The following ATP8A1 variants were observed in gnomAD, a reference collection of about 807,000 sequenced individuals.
ATP8A1 encodes the protein phospholipid-transporting ATPase IA.
Under a neutral mutation model 177.7 loss-of-function variants are expected in ATP8A1, and 90 were observed. The ratio of observed to expected loss-of-function variants is 0.51; its 90% confidence interval spans 0.43 to 0.60. The LOEUF (loss-of-function observed/expected upper bound fraction) is 0.60, where lower values mean the gene tolerates loss of function less well. Ranked by LOEUF, ATP8A1 falls within the 20% of genes least tolerant of loss-of-function variation. The pLI is 0.00. For synonymous variants in ATP8A1, 493 were observed against 485.9 expected, an observed-to-expected ratio of 1.01 and a Z score of -0.19; for missense variants, 1,072 against 1,392.8, an observed-to-expected ratio of 0.77 and a Z score of 3.67.
intron 18 of ATP8A1, 37 bp downstream of exon 18, chr4:42,551,161 C>T: frequency 6.6e-7 from 1 of 1,516,460 alleles, no homozygotes; most frequent in Middle Eastern, 1.7e-4. Context: ...AAATGTATTA[C>T]TTGGATTAAA....
rs1724583789 is a variant in ATP8A1 at position 42,507,796 on chromosome 4, A to AAAAAC, written c.1948-643_1948-642insGTTTT. ...CAGGCATTCTAAAAAAAAAAAAAAA[A>AAAAAC]AAAAAAAAAAAAACATACAAACAGC... On this transcript the variant is annotated intron_variant, in intron 22 of 36. Transcript: ENST00000381668. 2.1e-5 allele frequency among the ~76,000 whole-genome samples: 3 copies of AAAAAC among 142,824 alleles called. 1 individual carries two copies. The highest frequency in any genetic ancestry group is 5.1e-5 in the African/African-American group (2 of 39,402). The allele number at this position is 142,824 out of a possible 152,430, so 93.7% of individuals were successfully genotyped here.
intron 14 of ATP8A1, among the ~76,000 whole-genome samples, chr4:42,573,564 A>T (rs1435936384): frequency 6.6e-6 from 1 of 152,234 alleles, no homozygotes; most frequent in South Asian, 2.1e-4. Flanking sequence ...GGCTGTCTTT[A>T]CAGTGTGAAA....
At chr4:42,648,617 A>T (rs891813320) in intron 1 of ATP8A1, among the ~76,000 whole-genome samples, 4 of 152,170 alleles carry the variant, frequency 2.6e-5, no homozygotes, top group Admixed American at 2.6e-4. Flanking sequence ...TTGAAAAATT[A>T]TCTTGAAAAA....
At chr4:42,422,967 C>G in intron 34 of ATP8A1, 68 bp from the exon 35 acceptor site, 2 of 1,257,666 alleles carry the variant, frequency 1.6e-6, no homozygotes, top group South Asian at 2.6e-5. Context: ...AACTAGATGT[C>G]TGGCTTATTA....
chr4:42,494,049 A>T (rs1185346158), intron 24 of ATP8A1, among the ~76,000 whole-genome samples: 1 of 150,682 alleles, frequency 6.6e-6, no homozygotes, highest in African/African-American at 2.4e-5. Flanking sequence ...TAAAACAAAA[A>T]AATTAGCCGG....
intron 24 of ATP8A1, among the ~76,000 whole-genome samples, chr4:42,494,561 T>C (rs1418128790): frequency 6.6e-6 from 1 of 152,202 alleles, no homozygotes; most frequent in African/African-American, 2.4e-5. Flanking sequence ...CAACATTCAA[T>C]ACTATCAGCT....
At chr4:42,552,443 T>C in intron 17 of ATP8A1, 62 bp downstream of exon 17, 1 of 1,347,922 alleles carries the variant, frequency 7.4e-7, no homozygotes, top group Non-Finnish European at 1.0e-6. Context: ...TAAAATTAAA[T>C]TGACTTTTAC....
At chr4:42,517,828 A>G (rs1725716419) in intron 22 of ATP8A1, among the ~76,000 whole-genome samples, 1 of 152,242 alleles carries the variant, frequency 6.6e-6, no homozygotes, top group African/African-American at 2.4e-5. Flanking sequence ...ATTATATTTT[A>G]TAGATAGATT....
In ATP8A1 at chr4:42,578,350, G is replaced by A; in HGVS notation, c.1038C>T (p.Thr346=). The change falls in exon 12 of 37, where the codon ACC becomes ACT. Residue 346 remains threonine, a synonymous_variant. Coordinates refer to ENST00000381668, the MANE Select transcript of ATP8A1 (RefSeq NM_006095.2). The stretch of plus-strand genomic sequence containing the variant: ...TGAGATTGTTGAAAAGGATGATGAA[G>A]GTCAAGAAATTCAGTCCAAAATTAC... ...GASNFGLNFL[T]FIILFNNLIP... 6.2e-7 allele frequency: 1 copy of A among 1,612,598 alleles called. No individual in the cohort carries two copies. Among genetic ancestry groups the A allele is most frequent in the Non-Finnish European group, 8.5e-7 (1 of 1,179,184 alleles).
chr4:42,533,248 G>C (rs530892906), intron 20 of ATP8A1, among the ~76,000 whole-genome samples: 9 of 152,258 alleles, frequency 5.9e-5, no homozygotes, highest in Non-Finnish European at 1.3e-4. Context: ...TTGTAGCTGG[G>C]GGCAAGTTCT....
At chr4:42,482,335 A>AG (rs1553884266) in intron 25 of ATP8A1, among the ~76,000 whole-genome samples, 1 of 34,692 alleles carries the variant, frequency 2.9e-5, no homozygotes, top group Non-Finnish European at 8.0e-5. Flanking sequence ...ACAAACAAAC[A>AG]AAAAAAAAAA....
chr4:42,656,846 C>A lies in ATP8A1; in HGVS notation c.28G>T (p.Glu10Ter). The A allele has an allele frequency of 6.3e-7, 1 of 1,585,810 alleles. No homozygotes were observed. Among genetic ancestry groups the A allele is most frequent in the Non-Finnish European group, 8.6e-7 (1 of 1,166,366 alleles). Reference protein sequence around the residue: MPTMRRTVSEIRSRAEGYEK... With the variant: MPTMRRTVS The stretch of plus-strand genomic sequence containing the variant: ...TTACCTTCGGCGCGCGAGCGGATCT[C>A]CGACACGGTCCTCCGCATGGTGGGC... The change falls in exon 1 of 37, where the codon GAG becomes TAG. Residue 10 changes from glutamate to a stop codon, truncating the protein, a stop_gained. Coordinates refer to ENST00000381668, the MANE Select transcript of ATP8A1 (RefSeq NM_006095.2). LOFTEE classifies it high-confidence loss of function.
intron 27 of ATP8A1, among the ~76,000 whole-genome samples, chr4:42,460,999 C>G (rs1399997861): frequency 1.3e-5 from 2 of 152,212 alleles, no homozygotes; most frequent in African/African-American, 4.8e-5. Context: ...ATTCAGTTCA[C>G]TTATTTATCT....
At chr4:42,605,612 T>C (rs1351581092) in intron 5 of ATP8A1, among the ~76,000 whole-genome samples, 9 of 152,198 alleles carry the variant, frequency 5.9e-5, no homozygotes, top group African/African-American at 2.2e-4. Flanking sequence ...CCGTCCTCCT[T>C]CAAATCTGCT....
At chr4:42,416,455 A>ATAT (rs1216567155) in intron 35 of ATP8A1, among the ~76,000 whole-genome samples, 6 of 152,216 alleles carry the variant, frequency 3.9e-5, no homozygotes, top group Admixed American at 2.6e-4. Flanking sequence ...TTAGTCTTTC[A>ATAT]TATTACAGCA....
intron 25 of ATP8A1, among the ~76,000 whole-genome samples, chr4:42,469,627 G>A (rs2153184634): frequency 6.6e-6 from 1 of 152,250 alleles, no homozygotes; most frequent in Admixed American, 6.5e-5. Flanking sequence ...GGCTTTAAGA[G>A]GCCTCCCTTG....
At chr4:42,609,517 C>A (rs1736161147) in intron 5 of ATP8A1, among the ~76,000 whole-genome samples, 1 of 152,158 alleles carries the variant, frequency 6.6e-6, no homozygotes, top group Non-Finnish European at 1.5e-5. Flanking sequence ...TCAGTCATTC[C>A]ACAACTCCTT....
chr4:42,444,166 C>G lies in ATP8A1; in HGVS notation c.3015+412G>C, dbSNP rs139693932. ...CTAACGTATCTAAAATGGAACAAGA[C>G]TGGGTATTTGTCAATGTCTGAGGAC... is the stretch of plus-strand genomic sequence containing the variant. On this transcript the variant is annotated intron_variant, in intron 32 of 36. Coordinates refer to ENST00000381668, the MANE Select transcript of ATP8A1 (RefSeq NM_006095.2). Among the ~76,000 whole-genome samples, 194 of 152,278 alleles carry G rather than the reference C, an allele frequency of 1.3e-3. 1 individual carries two copies. The highest frequency in any genetic ancestry group is 4.4e-3 in the African/African-American group (184 of 41,552).
intron 15 of ATP8A1, among the ~76,000 whole-genome samples, chr4:42,564,203 C>T (rs1399798145): frequency 6.6e-6 from 1 of 152,196 alleles, no homozygotes; most frequent in Non-Finnish European, 1.5e-5. Context: ...GGGTGGGTCC[C>T]TCATGGAGAA....
Sources: allele counts gnomAD v4.1 joint callset (sites outside exome capture counted in the v4.1 genomes callset), GRCh38; gene constraint gnomAD v4.1.1; transcripts MANE v1.5; gene names NCBI Gene and HGNC (gene_info 2026-07-23, HGNC 2026-07-21).